The following IPO4 variants were observed in gnomAD, a reference collection of about 807,000 sequenced individuals.
IPO4 encodes the protein importin 4, also known as importin-4.
IPO4 carries 91 observed loss-of-function variants against 133.5 expected under a neutral mutation model. The observed-to-expected ratio is 0.68, with a 90% CI of 0.58 to 0.81. The LOEUF (loss-of-function observed/expected upper bound fraction) is 0.81, where lower values mean the gene tolerates loss of function less well. IPO4 is among the 30% of genes least tolerant of loss of function. The pLI, the probability that IPO4 is intolerant of heterozygous loss-of-function variation, is 0.00. For missense variants in IPO4, 1,279 were observed against 1,386.2 expected, an observed-to-expected ratio of 0.92 and a Z score of 1.23; for synonymous variants, 607 against 581.6, an observed-to-expected ratio of 1.04 and a Z score of -0.63.
chr14:24,185,674 C>G, intron 12 of IPO4, 107 bp from the exon 13 acceptor site: 1 of 1,123,110 alleles, frequency 8.9e-7, no homozygotes, highest in Admixed American at 2.0e-5. Flanking sequence ...TTTCCTGTCA[C>G]CAGAGGGTGG....
At position 24,187,755 on chromosome 14, in the gene IPO4, A is replaced by ATGGTGGC; in HGVS notation, c.313_319dup (p.Ile107SerfsTer62). The ATGGTGGC allele has an allele frequency of 6.2e-7, 1 of 1,614,190 alleles. No individual in the cohort carries two copies. Among genetic ancestry groups the ATGGTGGC allele is most frequent in the Non-Finnish European group, 8.5e-7 (1 of 1,180,032 alleles). ...GGCCTCCAAGCCTTCCTTTCGAAAAATGGTGGCTGAGAGCTGGGCCAGGCT... is the reference window on the plus strand; with the variant it reads ...GGCCTCCAAGCCTTCCTTTCGAAAAATGGTGGCTGGTGGCTGAGAGCTGGGCCAGGCT... On this transcript the variant is annotated frameshift_variant, in exon 5 of 30. Coordinates refer to ENST00000354464, the MANE Select transcript of IPO4 (RefSeq NM_024658.4). LOFTEE classifies it high-confidence loss of function.
At position 24,188,704 on chromosome 14, in the gene IPO4, A is replaced by G; in HGVS notation, c.69+15T>C. On this transcript the variant is annotated intron_variant, in intron 1 of 29. Transcript: ENST00000354464. ...ACCTCCCGCTCGCCCTGGCCCGGTT[A>G]CGCCTGCTCCGTACCCGACGGATGC... 1.9e-6 allele frequency: 3 copies of G among 1,592,128 alleles called. No homozygotes were observed. Among genetic ancestry groups the G allele is most frequent in the Non-Finnish European group, 2.6e-6 (3 of 1,167,322 alleles).
In IPO4 at chr14:24,187,340, G is replaced by A. The variant is rs530227904; in HGVS notation, c.588+60C>T. On this transcript the variant is annotated intron_variant, in intron 6 of 29. Transcript: ENST00000354464. ...TCCAAAGCAGCTTTGTAACTTTTAC[G>A]GGTGAGGACATGAAGGCATGAGGAA... The A allele has an allele frequency of 5.9e-5, 93 of 1,574,956 alleles. 1 individual carries two copies. The highest frequency in any genetic ancestry group is 3.4e-4 in the Middle Eastern group (2 of 5,862).
At position 24,180,556 on chromosome 14, in the gene IPO4, C is replaced by G; in HGVS notation, c.3132G>C (p.Leu1044=). ...NKIPPDTKAA[L]LLLLTFLAKQ... is the part of the protein sequence containing the mutation. ...TGGCCAGGAACGTCAGGAGCAGCAA[C>G]AGTGCGGCCTTGGTGTCTGGGTGGA... The change falls in exon 30 of 30, where the codon CTG becomes CTC. Residue 1044 remains leucine, a synonymous_variant. Coordinates refer to ENST00000354464, the MANE Select transcript of IPO4 (RefSeq NM_024658.4). 1.2e-6 allele frequency: 2 copies of G among 1,614,146 alleles called. No homozygotes were observed. The highest frequency in any genetic ancestry group is 1.7e-6 in the Non-Finnish European group (2 of 1,179,980).
At chr14:24,181,475 G>A in intron 28 of IPO4, 38 bp downstream of exon 28, 1 of 1,511,560 alleles carries the variant, frequency 6.6e-7, no homozygotes, top group Admixed American at 2.0e-5. Flanking sequence ...GAGTGGAGCG[G>A]CACGTTCCCC....
intron 23 of IPO4, 37 bp downstream of exon 23, chr14:24,182,939 G>A: frequency 6.2e-7 from 1 of 1,612,922 alleles, no homozygotes; most frequent in South Asian, 1.1e-5. Flanking sequence ...CCGAGGCCCA[G>A]CACCTCTCCT....
chr14:24,181,032 A>C (rs1007646184), intron 28 of IPO4, among the ~76,000 whole-genome samples: 1 of 152,216 alleles, frequency 6.6e-6, no homozygotes. Context: ...CTTCACCTAC[A>C]CAACAGTCTC....
rs754879325 is a variant in IPO4, at chr14:24,183,149, G to A, written c.2248C>T (p.Arg750Ter). The change falls in exon 23 of 30, where the codon CGA (arginine) becomes TGA (stop). Residue 750 changes from arginine (R) to a stop codon, truncating the protein, a stop_gained. Transcript: ENST00000354464. LOFTEE classifies it high-confidence loss of function. ...GCCTGCATGTAGGATGGCACGACTC[G>A]GGCCAGGGCAGCCTGCAAAGCTGGG... Reference protein sequence around the residue: ...NTAALQAALARVVPSYMQAVN... With the variant: ...NTAALQAALA 9 of 1,612,772 alleles carry A rather than the reference G, an allele frequency of 5.6e-6. No homozygotes were observed. The highest frequency in any genetic ancestry group is 1.7e-6 in the Non-Finnish European group (2 of 1,179,146).
chr14:24,181,050 A>G (rs962589187), intron 28 of IPO4, among the ~76,000 whole-genome samples: 5 of 152,332 alleles, frequency 3.3e-5, no homozygotes, highest in Admixed American at 6.5e-5. Context: ...CTCTAAAGGT[A>G]TAAGACAAGG....
chr14:24,186,045 C>G (rs1295014998), intron 11 of IPO4, 75 bp from the exon 12 acceptor site: 1 of 1,596,636 alleles, frequency 6.3e-7, no homozygotes, highest in South Asian at 1.1e-5. Context: ...GCCTTCACAC[C>G]TCCCAGGGTC....
At position 24,188,225 on chromosome 14, in the gene IPO4, C is replaced by T; in HGVS notation, c.269G>A (p.Arg90Lys). The change falls in exon 4 of 30, where the codon AGA becomes AAA. Residue 90 changes from arginine (R) to lysine (K), a missense_variant. By Grantham distance (26) the Arg-to-Lys change is conservative (BLOSUM62 2). Transcript: ENST00000354464. ...GTGGGTAGGTACTTACTCTGTTTCT[C>T]TCTGCAGGGCCGTCAGGATCAGGGA... The part of the protein sequence containing the change: ...LKSLILTALQ[R>K]ETEHCVSLSL... 6.2e-7 allele frequency: 1 copy of T among 1,613,494 alleles called. No homozygotes were observed. The highest frequency in any genetic ancestry group is 1.3e-5 in the African/African-American group (1 of 75,054).
chr14:24,186,484 A>G (rs2039225178), intron 9 of IPO4, 33 bp from the exon 10 acceptor site: 2 of 1,538,780 alleles, frequency 1.3e-6, no homozygotes, highest in Non-Finnish European at 1.8e-6. Flanking sequence ...TGTCCCTAAG[A>G]ATCTGCTCCC....
At chr14:24,185,056 CT>C (rs972449006) in intron 14 of IPO4, 76 bp from the exon 15 acceptor site, 9 of 1,589,518 alleles carry the variant, frequency 5.7e-6, no homozygotes, top group South Asian at 2.2e-5. Context: ...AGGCGGAAAC[CT>C]TTTTTTGGCA....
chr14:24,185,480 G>C lies in IPO4; in HGVS notation c.1257C>G (p.Gly419=). ...VVRNAALFAL[G]QFSENLQPHI... ...TCACCTGTAGGTTTTCTGAGAACTG[G>C]CCCAGGGCAAACAGCGCAGCATTGC... Residue 419 remains glycine, a synonymous_variant, in exon 13 of 30, where the codon GGC becomes GGG. Transcript: ENST00000354464. 6.2e-7 allele frequency: 1 copy of C among 1,614,166 alleles called. No individual in the cohort carries two copies. Among genetic ancestry groups the C allele is most frequent in the Non-Finnish European group, 8.5e-7 (1 of 1,179,996 alleles).
At chr14:24,182,863 T>G in intron 23 of IPO4, 21 bp from the exon 24 acceptor site, 1 of 1,613,228 alleles carries the variant, frequency 6.2e-7, no homozygotes, top group Admixed American at 1.7e-5. Flanking sequence ...TAGCTCAACT[T>G]AGCGGAGCTT....
intron 7 of IPO4, 30 bp from the exon 8 acceptor site, chr14:24,187,009 A>G (rs766746302): frequency 3.1e-6 from 5 of 1,612,772 alleles, no homozygotes; most frequent in South Asian, 1.1e-5. Context: ...CAAGGTTACC[A>G]TGCTCTTCTT....
chr14:24,186,662 G>T (rs775490016), intron 9 of IPO4, 46 bp downstream of exon 9: 3 of 1,536,122 alleles, frequency 2.0e-6, no homozygotes, highest in Non-Finnish European at 2.7e-6. Context: ...GAGACTAAGG[G>T]TGGAGATGGG....
chr14:24,186,705 T>C lies in IPO4; in HGVS notation c.840+3A>G. ...TGATGTGTGTCAATGGGCACTCACT[T>C]ACCTTGCTCTTGACTTTGACCAAGA... On this transcript the variant is annotated splice_donor_region_variant and intron_variant, in intron 9 of 29. Coordinates refer to ENST00000354464, the MANE Select transcript of IPO4 (RefSeq NM_024658.4). 2 of 1,613,602 alleles carry C rather than the reference T, an allele frequency of 1.2e-6. No homozygotes were observed. The highest frequency in any genetic ancestry group is 1.7e-6 in the Non-Finnish European group (2 of 1,179,588).
chr14:24,182,200 T>G, intron 25 of IPO4, 37 bp from the exon 26 acceptor site: 1 of 1,613,922 alleles, frequency 6.2e-7, no homozygotes, highest in South Asian at 1.1e-5. Context: ...CAGATCAGCC[T>G]GGGCCAAGGA....
Sources: allele counts gnomAD v4.1 joint callset (sites outside exome capture counted in the v4.1 genomes callset), GRCh38; gene constraint gnomAD v4.1.1; transcripts MANE v1.5; gene names NCBI Gene and HGNC (gene_info 2026-07-23, HGNC 2026-07-21).